PCYT1A: variants seen among roughly 807,000 people sequenced by gnomAD.
The protein encoded by PCYT1A is phosphate cytidylyltransferase 1A, choline, also known as choline-phosphate cytidylyltransferase A.
Under a neutral mutation model 43.7 loss-of-function variants are expected in PCYT1A, and 25 were observed. That is an observed-to-expected ratio of 0.57 (90% CI 0.42 to 0.80). PCYT1A has a LOEUF of 0.80. Among genes scored for constraint, PCYT1A ranks in the 30% least tolerant of loss-of-function variants. The pLI is 0.00. For missense variants in PCYT1A, 421 were observed against 474.2 expected (o/e 0.89, Z 1.04); for synonymous variants, 172 against 170.7 (o/e 1.01, Z -0.06).
chr3:196,239,448 A>G, intron 8 of PCYT1A, 99 bp downstream of exon 8: 1 of 722,558 alleles, frequency 1.4e-6, no homozygotes, highest in Non-Finnish European at 2.4e-6. Flanking sequence ...GGGATAGACT[A>G]GATAACTTCT....
intron 2 of PCYT1A, among the ~76,000 whole-genome samples, chr3:196,266,622 G>GCCCA (rs898679068): frequency 1.3e-5 from 2 of 152,164 alleles, no homozygotes; most frequent in Non-Finnish European, 2.9e-5. Flanking sequence ...GGACGTGGTG[G>GCCCA]CCCACACCTG....
At chr3:196,254,108 C>A (rs1724885903) in intron 3 of PCYT1A, among the ~76,000 whole-genome samples, 1 of 150,588 alleles carries the variant, frequency 6.6e-6, no homozygotes, top group South Asian at 2.1e-4. Context: ...CTCACTGCAA[C>A]CTCTGCCTCC....
chr3:196,241,920 G>C, intron 7 of PCYT1A, 28 bp downstream of exon 7: 3 of 1,611,608 alleles, frequency 1.9e-6, no homozygotes, highest in Non-Finnish European at 2.5e-6. Flanking sequence ...ACAGAGTCAG[G>C]GAACTCTGGG....
chr3:196,241,476 G>A (rs761909781), intron 7 of PCYT1A: 124 of 1,283,376 alleles, frequency 9.7e-5, no homozygotes, highest in Non-Finnish European at 1.2e-4. Context: ...ACCATGCCCA[G>A]AAAAATATAT....
At chr3:196,248,374 T>C (rs1162151652) in intron 3 of PCYT1A, 51 bp from the exon 4 acceptor site, 2 of 1,123,146 alleles carry the variant, frequency 1.8e-6, no homozygotes, top group Non-Finnish European at 2.7e-6. Context: ...TTTTTGTCAT[T>C]TTTATTTTTA....
intron 1 of PCYT1A, among the ~76,000 whole-genome samples, chr3:196,274,767 T>G (rs1427570105): frequency 6.6e-6 from 1 of 152,224 alleles, no homozygotes. Context: ...TACAAGAAAC[T>G]GGCCTAATTC....
chr3:196,267,910 G>A (rs1369204775), intron 2 of PCYT1A, among the ~76,000 whole-genome samples: 1 of 152,152 alleles, frequency 6.6e-6, no homozygotes, highest in Non-Finnish European at 1.5e-5. Flanking sequence ...AGAAAGTACA[G>A]GTGTACAGTG....
At position 196,242,393 on chromosome 3, in the gene PCYT1A, A is replaced by T; in HGVS notation, c.565+169T>A. 1.4e-6 allele frequency: 1 copy of T among 716,006 alleles called. No homozygotes were observed. The highest frequency in any genetic ancestry group is 2.6e-6 in the Non-Finnish European group (1 of 386,026). The allele number at this position is 716,006 out of a possible 1,614,324, so 44.4% of individuals were successfully genotyped here. On this transcript the variant is annotated intron_variant, in intron 6 of 8. Coordinates refer to ENST00000431016, the MANE Select transcript of PCYT1A (RefSeq NM_001312673.2). This position sits in a 1 kb window ranked among gnomAD's most constrained non-coding sequence, Gnocchi z 4.2. ...AATTGATGGATGTCATGAACTGACGACAAAGAATTGATGGGTGCTATGCTC... is the reference window on the plus strand; with the variant it reads ...AATTGATGGATGTCATGAACTGACGTCAAAGAATTGATGGGTGCTATGCTC...
At position 196,247,464 on chromosome 3, in the gene PCYT1A, T is replaced by C. The variant is rs760919068; in HGVS notation, c.389A>G (p.Asn130Ser). 68 of 1,614,210 alleles carry C rather than the reference T, an allele frequency of 4.2e-5. No homozygotes were observed. The Admixed American group carries it at 1.1e-3, about 26-fold the overall frequency. The change falls in exon 5 of 9, where the codon AAT (asparagine) becomes AGT (serine). Residue 130 changes from asparagine to serine, a missense_variant. Transcript: ENST00000431016. This position sits in a 1 kb window ranked among gnomAD's most constrained non-coding sequence, Gnocchi z 4.8. Reference sequence around the variant, plus strand: ...GTGCTGGACTGCGTCATAGCGCTCATTCTCGTTCATCACCGTGAAGCCTTT... The same window carrying C: ...GTGCTGGACTGCGTCATAGCGCTCACTCTCGTTCATCACCGTGAAGCCTTT... The part of the protein sequence containing the change: ...NFKGFTVMNE[N>S]ERYDAVQHCR...
chr3:196,241,442 C>T, intron 7 of PCYT1A: 1 of 1,157,036 alleles, frequency 8.6e-7, no homozygotes, highest in Non-Finnish European at 1.1e-6. Flanking sequence ...CCCGCCTCAG[C>T]CTCCCAAAGT....
intron 1 of PCYT1A, among the ~76,000 whole-genome samples, chr3:196,272,945 T>C (rs1412361769): frequency 6.6e-6 from 1 of 152,248 alleles, no homozygotes; most frequent in Non-Finnish European, 1.5e-5. Flanking sequence ...TGGTAGGCTA[T>C]GCTCAGCTTG....
chr3:196,286,065 T>C (rs1051862433), intron 1 of PCYT1A, among the ~76,000 whole-genome samples: 5 of 82,344 alleles, frequency 6.1e-5, no homozygotes, highest in African/African-American at 1.0e-4. Flanking sequence ...CTGTCCCTTT[T>C]TTTTTTTTTT....
chr3:196,238,972 T>C (rs1340318366), intron 8 of PCYT1A, 78 bp from the exon 9 acceptor site: 6 of 843,260 alleles, frequency 7.1e-6, no homozygotes, highest in African/African-American at 1.8e-5. Flanking sequence ...AGGACTGGGA[T>C]AGTCTATGCT....
rs144517750 is a variant in PCYT1A, at chr3:196,263,278, G to A, written c.118-5391C>T. ...TGCCCAGGTTGGAATGCAGCAGTGC[G>A]ATCCATACCTCACTATAACCTTGAC... On this transcript the variant is annotated intron_variant, in intron 2 of 8. Transcript: ENST00000431016. 4.1e-3 allele frequency among the ~76,000 whole-genome samples: 622 copies of A among 152,164 alleles called. 2 individuals are homozygous for A. The highest frequency in any genetic ancestry group is 0.014 in the African/African-American group (587 of 41,492).
chr3:196,266,227 C>A (rs1168237815), intron 2 of PCYT1A, among the ~76,000 whole-genome samples: 1 of 151,866 alleles, frequency 6.6e-6, no homozygotes, highest in African/African-American at 2.4e-5. Context: ...AATCCCAGCA[C>A]TTTGGGAGGT....
intron 2 of PCYT1A, among the ~76,000 whole-genome samples, chr3:196,263,620 C>G (rs12632013): frequency 0.12 from 17,779 of 152,002 alleles, 1,152 homozygotes; most frequent in South Asian, 0.19. Flanking sequence ...TTCCACCCCC[C>G]GGGGATCTGT....
At position 196,242,318 on chromosome 3, in the gene PCYT1A, AG is replaced by A. The variant is rs1577354367; in HGVS notation, c.566-229del. The A allele has an allele frequency of 1.7e-5, 11 of 650,290 alleles. No individual in the cohort carries two copies. The highest frequency in any genetic ancestry group is 8.1e-5 in the East Asian group (3 of 36,818). 40.3% of individuals were successfully genotyped at this position (650,290 alleles called of 1,614,324 possible). A position where few individuals can be genotyped will look rare whatever the true frequency, so the allele number is the denominator to read the frequency against. On this transcript the variant is annotated intron_variant, in intron 6 of 8. Transcript: ENST00000431016. This position sits in a 1 kb window ranked among gnomAD's most constrained non-coding sequence, Gnocchi z 4.2. ...CCTAATATTAAGAAAAATATGAGAA[AG>A]GGTTTCCTGAAATTAAGAGAGATAT...
intron 7 of PCYT1A, 56 bp from the exon 8 acceptor site, chr3:196,239,791 A>G: frequency 8.3e-7 from 1 of 1,199,092 alleles, no homozygotes; most frequent in Non-Finnish European, 1.2e-6. Flanking sequence ...CTTCTCTACC[A>G]TAAGAGAACG....
rs559828965 is a variant in PCYT1A, at chr3:196,236,909, C to A, written c.*1779G>T. ...CTCAAACTCGTGGCCTCAAGTGATCCACCAGCCTCAGTCTCCCAAAGTGCT... is the reference window on the plus strand; with the variant it reads ...CTCAAACTCGTGGCCTCAAGTGATCAACCAGCCTCAGTCTCCCAAAGTGCT... On this transcript the variant is annotated 3_prime_UTR_variant, in exon 9 of 9. Coordinates refer to ENST00000431016, the MANE Select transcript of PCYT1A (RefSeq NM_001312673.2). 1.9e-4 allele frequency: 29 copies of A among 152,366 alleles called. No individual in the cohort carries two copies. Among genetic ancestry groups the A allele is most frequent in the African/African-American group, 7.0e-4 (29 of 41,592 alleles). The allele number at this position is 152,366 out of a possible 1,614,324, so 9.4% of individuals were successfully genotyped here. A position where few individuals can be genotyped will look rare whatever the true frequency, so the allele number is the denominator to read the frequency against.
Sources: gnomAD v4.1 joint callset for allele counts (sites outside exome capture counted in the v4.1 genomes callset) on GRCh38, gnomAD v4.1.1 for gene constraint, Gnocchi (gnomAD v3.1) non-coding constraint, MANE v1.5 for transcripts, NCBI Gene and HGNC (gene_info 2026-07-23, HGNC 2026-07-21) for gene names.